The following CUL1 variants were observed in gnomAD, a reference collection of about 807,000 sequenced individuals.
CUL1 encodes cullin-1.
In CUL1, 24 loss-of-function variants were observed where a neutral mutation model predicts 118.0. That is an observed-to-expected ratio of 0.20 (90% CI 0.15 to 0.29). The LOEUF (loss-of-function observed/expected upper bound fraction) is 0.29, where lower values mean the gene tolerates loss of function less well. Ranked by LOEUF, CUL1 falls within the 10% of genes least tolerant of loss-of-function variation. The probability of loss-of-function intolerance (pLI) is 1.00; values close to 1 mark genes in which losing one functional copy is unlikely to be tolerated. For synonymous variants in CUL1, 332 were observed against 340.4 expected (o/e 0.98, Z 0.27); for missense variants, 361 against 933.8 (o/e 0.39, Z 7.99).
intron 9 of CUL1, 189 bp from the exon 10 acceptor site, chr7:148,783,594 T>C: frequency 6.6e-7 from 1 of 1,507,096 alleles, no homozygotes; most frequent in Non-Finnish European, 8.8e-7. Flanking sequence ...TTCTTTTATA[T>C]ATATAAACAA....
At chr7:148,741,721 G>A (rs559400150) in intron 2 of CUL1, among the ~76,000 whole-genome samples, 110 of 140,564 alleles carry the variant, frequency 7.8e-4, no homozygotes, top group Middle Eastern at 3.5e-3. Flanking sequence ...CCGCAGGTGC[G>A]CATCACCATG....
At chr7:148,790,722 G>A (rs1242527219) in intron 16 of CUL1, among the ~76,000 whole-genome samples, 3 of 152,130 alleles carry the variant, frequency 2.0e-5, no homozygotes, top group Non-Finnish European at 2.9e-5. Flanking sequence ...ATTAAATAAT[G>A]TATTTAGTAA....
chr7:148,724,985 G>A (rs1469304186), intron 1 of CUL1, among the ~76,000 whole-genome samples: 1 of 152,062 alleles, frequency 6.6e-6, no homozygotes, highest in Non-Finnish European at 1.5e-5. Flanking sequence ...TATGAAATCT[G>A]CTTAAGAGTG....
At chr7:148,779,504 C>T (rs1408824836) in intron 9 of CUL1, among the ~76,000 whole-genome samples, 1 of 152,178 alleles carries the variant, frequency 6.6e-6, no homozygotes, top group African/African-American at 2.4e-5. Flanking sequence ...ATCCCAGACA[C>T]AACAAAGCCC....
chr7:148,745,711 A>G (rs1799291180), intron 2 of CUL1, among the ~76,000 whole-genome samples: 1 of 152,158 alleles, frequency 6.6e-6, no homozygotes, highest in Non-Finnish European at 1.5e-5. Context: ...GATTGGTCAA[A>G]GAACAAAACA....
chr7:148,709,971 T>A (rs751065359), intron 1 of CUL1, among the ~76,000 whole-genome samples: 20 of 151,950 alleles, frequency 1.3e-4, no homozygotes, highest in Non-Finnish European at 2.9e-4. Context: ...TGGTCCCAGC[T>A]ACTTGGGAGG....
chr7:148,705,605 G>A (rs919961273), intron 1 of CUL1, among the ~76,000 whole-genome samples: 1 of 152,116 alleles, frequency 6.6e-6, no homozygotes, highest in Admixed American at 6.5e-5. Context: ...AAGTCAGAAC[G>A]GGGGAAAAAG....
At chr7:148,761,948 T>C (rs893997559) in intron 7 of CUL1, among the ~76,000 whole-genome samples, 3 of 152,180 alleles carry the variant, frequency 2.0e-5, no homozygotes, top group Admixed American at 6.5e-5. Flanking sequence ...CACAGTAGGG[T>C]TCGAGCTCCT....
chr7:148,790,467 T>A (rs747974028), intron 16 of CUL1, 26 bp downstream of exon 16: 31 of 1,596,532 alleles, frequency 1.9e-5, no homozygotes, highest in Non-Finnish European at 2.7e-5. Context: ...TATCTTAAAA[T>A]TTTTCTATTC....
intron 1 of CUL1, among the ~76,000 whole-genome samples, chr7:148,728,829 C>G (rs1215550928): frequency 6.6e-6 from 1 of 152,182 alleles, no homozygotes; most frequent in Non-Finnish European, 1.5e-5. Context: ...TTAGTTTACA[C>G]AGAGCTCTGT....
chr7:148,784,594 T>G (rs547426401), intron 11 of CUL1, among the ~76,000 whole-genome samples: 3 of 152,334 alleles, frequency 2.0e-5, no homozygotes, highest in African/African-American at 7.2e-5. Flanking sequence ...GTTTTTTGTT[T>G]GTGTGTTCTG....
chr7:148,765,104 G>A (rs184967552), intron 7 of CUL1, among the ~76,000 whole-genome samples: 1 of 152,138 alleles, frequency 6.6e-6, no homozygotes, highest in East Asian at 1.9e-4. Context: ...TAAGAATATT[G>A]ACCTTTTGAT....
intron 4 of CUL1, 48 bp from the exon 5 acceptor site, chr7:148,759,256 G>A (rs755725056): frequency 6.4e-7 from 1 of 1,552,972 alleles, no homozygotes; most frequent in Non-Finnish European, 8.9e-7. Context: ...CTTCAATCTT[G>A]GAAAAACATG....
intron 11 of CUL1, among the ~76,000 whole-genome samples, chr7:148,785,274 G>T (rs1295406545): frequency 6.6e-6 from 1 of 152,112 alleles, no homozygotes; most frequent in East Asian, 1.9e-4. Context: ...GGCCTCTGAT[G>T]ACTTGGTTTC....
At chr7:148,788,497 C>T in intron 13 of CUL1, 60 bp from the exon 14 acceptor site, 1 of 1,045,184 alleles carries the variant, frequency 9.6e-7, no homozygotes, top group Non-Finnish European at 1.5e-6. Context: ...TCTAAGATTC[C>T]CTTGTATACA....
At chr7:148,762,396 A>G (rs1028607041) in intron 7 of CUL1, among the ~76,000 whole-genome samples, 2 of 152,186 alleles carry the variant, frequency 1.3e-5, no homozygotes, top group Admixed American at 1.3e-4. Flanking sequence ...AATCTAACAA[A>G]AATGGAACTA....
chr7:148,704,433 T>C (rs1585523286), intron 1 of CUL1, among the ~76,000 whole-genome samples: 2 of 152,336 alleles, frequency 1.3e-5, no homozygotes, highest in South Asian at 4.1e-4. Flanking sequence ...AAAATATGTA[T>C]GTGCTTTGAA....
chr7:148,779,640 A>G (rs775288507), intron 9 of CUL1, among the ~76,000 whole-genome samples: 4 of 152,328 alleles, frequency 2.6e-5, no homozygotes, highest in Admixed American at 6.5e-5. Context: ...AGAGGAAACC[A>G]ACGGAGAGTG....
chr7:148,737,568 A>T (rs1241607547), intron 2 of CUL1, among the ~76,000 whole-genome samples: 5 of 142,288 alleles, frequency 3.5e-5, no homozygotes, highest in Non-Finnish European at 7.6e-5. Context: ...GTATATATAT[A>T]TATTTTTATA....
Sources: gnomAD v4.1 joint callset for allele counts (sites outside exome capture counted in the v4.1 genomes callset) on GRCh38, gnomAD v4.1.1 for gene constraint, MANE v1.5 for transcripts, NCBI Gene and HGNC (gene_info 2026-07-23, HGNC 2026-07-21) for gene names.